The following GATB variants were observed in gnomAD, a reference collection of about 807,000 sequenced individuals.
The protein encoded by GATB is glutamyl-tRNA(Gln) amidotransferase subunit B, mitochondrial.
GATB carries 39 observed loss-of-function variants against 62.3 expected under a neutral mutation model. The observed-to-expected ratio is 0.63, with a 90% confidence interval of 0.48 to 0.82. The LOEUF (loss-of-function observed/expected upper bound fraction) is 0.82. Among genes scored for constraint, GATB ranks in the 40% least tolerant of loss-of-function variants. The pLI, the probability that GATB is intolerant of heterozygous loss-of-function variation, is 0.00. For missense variants in GATB, 670 were observed against 684.0 expected (o/e 0.98, Z 0.23); for synonymous variants, 276 against 258.9 (o/e 1.07, Z -0.63).
At chr4:151,726,922 T>C (rs1166529347) in intron 2 of GATB, among the ~76,000 whole-genome samples, 2 of 152,128 alleles carry the variant, frequency 1.3e-5, no homozygotes, top group Admixed American at 1.3e-4. Context: ...CTCTCTTTTC[T>C]TTTCTTCTTT....
chr4:151,751,503 C>T (rs1313788167), intron 2 of GATB, among the ~76,000 whole-genome samples: 14 of 152,138 alleles, frequency 9.2e-5, no homozygotes, highest in Admixed American at 9.2e-4. Flanking sequence ...GAGAAAGAGG[C>T]CTCCAATCAG....
chr4:151,720,925 A>G (rs1007152117), intron 2 of GATB: 3 of 152,430 alleles, frequency 2.0e-5, no homozygotes, highest in Admixed American at 1.3e-4. Context: ...TATTTACTGC[A>G]ATATACGGTC....
intron 9 of GATB, among the ~76,000 whole-genome samples, chr4:151,694,621 C>T (rs1332701482): frequency 1.3e-5 from 2 of 152,214 alleles, no homozygotes; most frequent in South Asian, 4.1e-4. Flanking sequence ...AAATATGGTG[C>T]CTGATGATGT....
chr4:151,756,915 C>T (rs930372416), intron 2 of GATB, among the ~76,000 whole-genome samples: 1 of 152,132 alleles, frequency 6.6e-6, no homozygotes, highest in Non-Finnish European at 1.5e-5. Flanking sequence ...GCCTGATAGC[C>T]ATCACATTCA....
intron 2 of GATB, among the ~76,000 whole-genome samples, chr4:151,747,586 T>C (rs980170343): frequency 2.0e-5 from 3 of 152,158 alleles, no homozygotes; most frequent in African/African-American, 7.2e-5. Flanking sequence ...GTACAGTACT[T>C]AAGTTAAAAA....
intron 10 of GATB, among the ~76,000 whole-genome samples, chr4:151,682,586 T>A (rs1406160941): frequency 1.3e-5 from 2 of 151,978 alleles, no homozygotes; most frequent in Admixed American, 1.3e-4. Context: ...AGGGGCTCTT[T>A]CAAAGCTCCA....
intron 2 of GATB, among the ~76,000 whole-genome samples, chr4:151,731,810 T>C (rs1739259959): frequency 6.7e-6 from 1 of 149,144 alleles, no homozygotes; most frequent in African/African-American, 2.5e-5. Context: ...GGCCGCCCCG[T>C]CTGAGAAGTG....
At chr4:151,706,964 G>T (rs115834137) in intron 6 of GATB, among the ~76,000 whole-genome samples, 1,928 of 152,262 alleles carry the variant, frequency 0.013, 39 homozygotes, top group African/African-American at 0.044. Flanking sequence ...ATATCTACGG[G>T]ACTGCTCAGA....
intron 10 of GATB, among the ~76,000 whole-genome samples, chr4:151,686,642 T>TCCCTG (rs1738251672): frequency 2.7e-5 from 2 of 73,448 alleles, no homozygotes; most frequent in African/African-American, 1.8e-4. Context: ...GTGTCACCAG[T>TCCCTG]CCCCGCCCCG....
Position 151,744,947 on chromosome 4 carries a change from T to C in GATB, c.327+13825A>G, listed in dbSNP as rs191271218. On this transcript the variant is annotated intron_variant, in intron 2 of 12. Transcript: ENST00000263985. Reference sequence around the variant, plus strand: ...TTGTGGGTATGAGCTCACAGACACATACCTCCTTTAGGGTGACAAGGGTCA... The same window carrying C: ...TTGTGGGTATGAGCTCACAGACACACACCTCCTTTAGGGTGACAAGGGTCA... Among the ~76,000 whole-genome samples the C allele has an allele frequency of 2.8e-3, 420 of 152,302 alleles. 2 individuals are homozygous for C. Among genetic ancestry groups the C allele is most frequent in the Non-Finnish European group, 4.7e-3 (319 of 68,016 alleles).
chr4:151,750,279 C>T (rs184386235), intron 2 of GATB, among the ~76,000 whole-genome samples: 53 of 152,316 alleles, frequency 3.5e-4, no homozygotes, highest in African/African-American at 1.2e-3. Context: ...TCCTAGGTCC[C>T]GTCCTGTTCC....
chr4:151,677,691 G>A (rs1482545307), intron 11 of GATB: 2 of 152,226 alleles, frequency 1.3e-5, no homozygotes, highest in African/African-American at 2.4e-5. Context: ...AAGGGGCTTG[G>A]CAGACGAGCA....
At chr4:151,733,856 TC>T (rs1739317196) in intron 2 of GATB, among the ~76,000 whole-genome samples, 1 of 152,188 alleles carries the variant, frequency 6.6e-6, no homozygotes, top group African/African-American at 2.4e-5. Context: ...AATCAAATGA[TC>T]ATCTCAATAG....
At chr4:151,703,817 T>C (rs1213566291) in intron 8 of GATB, 34 bp downstream of exon 8, 4 of 1,422,086 alleles carry the variant, frequency 2.8e-6, no homozygotes, top group Admixed American at 1.7e-5. Flanking sequence ...CAGCCCCCGA[T>C]ATATAGCGGT....
rs1738516329 is a variant in GATB at position 151,697,965 on chromosome 4, A to ATATATATATATATATATATATATGTG, written c.1197+3363_1197+3364insCACATATATATATATATATATATATA. On this transcript the variant is annotated intron_variant, in intron 9 of 12. Transcript: ENST00000263985. Reference sequence around the variant, plus strand: ...TGTGTGTGTGTGTGTATATATATATATATATATATATATATATATATATAT... The same window carrying ATATATATATATATATATATATATGTG: ...TGTGTGTGTGTGTGTATATATATATATATATATATATATATATATATATGTGTATATATATATATATATATATATAT... Among the ~76,000 whole-genome samples, 10 of 109,014 alleles carry ATATATATATATATATATATATATGTG rather than the reference A, an allele frequency of 9.2e-5. 1 individual carries two copies. Among genetic ancestry groups the ATATATATATATATATATATATATGTG allele is most frequent in the Middle Eastern group, 4.6e-3 (1 of 216 alleles). The allele number at this position is 109,014 out of a possible 152,430, so 71.5% of individuals were successfully genotyped here.
At chr4:151,683,521 T>C (rs1245642722) in intron 10 of GATB, among the ~76,000 whole-genome samples, 2 of 152,172 alleles carry the variant, frequency 1.3e-5, no homozygotes, top group Non-Finnish European at 2.9e-5. Context: ...GTGAGGAGGA[T>C]GCCCAGGGCT....
rs1560870161 is a variant in GATB at position 151,760,846 on chromosome 4, GCCACTGAGCTCTCTC to G, written c.122_136del (p.Gly41_Val45del). On this transcript the variant is annotated inframe_deletion, in exon 1 of 13. Transcript: ENST00000263985. ...CTGGGCCGTGTGGAGGGGCTGCTGA[GCCACTGAGCTCTCTC>G]CCCTAATCTGGTTGGATGTGGACCC... The G allele has an allele frequency of 6.2e-7, 1 of 1,612,056 alleles. No individual in the cohort carries two copies. The highest frequency in any genetic ancestry group is 1.3e-5 in the African/African-American group (1 of 74,882).
chr4:151,729,551 G>C (rs1037825037), intron 2 of GATB, among the ~76,000 whole-genome samples: 2 of 152,226 alleles, frequency 1.3e-5, no homozygotes, highest in South Asian at 2.1e-4. Flanking sequence ...ATTCTTAGGA[G>C]ATAGCTGCTA....
chr4:151,735,183 C>T (rs1016340673), intron 2 of GATB, among the ~76,000 whole-genome samples: 6 of 150,362 alleles, frequency 4.0e-5, no homozygotes, highest in East Asian at 1.9e-4. Flanking sequence ...ATCTATACAT[C>T]TGACAAAGGA....
Sources: allele counts gnomAD v4.1 joint callset (sites outside exome capture counted in the v4.1 genomes callset), GRCh38; gene constraint gnomAD v4.1.1; transcripts MANE v1.5; gene names NCBI Gene and HGNC (gene_info 2026-07-23, HGNC 2026-07-21).